TLK2: variants seen among roughly 807,000 people sequenced by gnomAD.
TLK2 encodes the protein tousled like kinase 2.
A neutral mutation model predicts 117.3 loss-of-function variants in TLK2; 6 were observed. The ratio of observed to expected loss-of-function variants is 0.05; its 90% CI spans 0.03 to 0.10. TLK2 has a LOEUF of 0.10. Ranked by LOEUF, TLK2 falls within the 10% of genes least tolerant of loss-of-function variation. The pLI is 1.00. For synonymous variants in TLK2, 257 were observed against 316.7 expected (o/e 0.81, Z 2.00); for missense variants, 299 against 901.2 (o/e 0.33, Z 8.56).
rs1271005493 is a variant in TLK2, at chr17:62,498,393, T to TCC, written c.81+17187_81+17188insCC. Among the ~76,000 whole-genome samples the TCC allele has an allele frequency of 9.5e-4, 137 of 144,028 alleles. 1 individual carries two copies. Among genetic ancestry groups the TCC allele is most frequent in the Non-Finnish European group, 1.3e-3 (82 of 65,252 alleles). 94.5% of individuals were successfully genotyped at this position (144,028 alleles called of 152,430 possible). A position where few individuals can be genotyped will look rare whatever the true frequency, so the allele number is the denominator to read the frequency against. On this transcript the variant is annotated intron_variant, in intron 2 of 21. Coordinates refer to ENST00000346027, the MANE Select transcript of TLK2 (RefSeq NM_006852.6). ...GATAGTGTCGTAGAAAGCCCCCCTT[T>TCC]TTTTTTTTTTTTTTGAGACAAAGTC...
chr17:62,560,272 A>G (rs2079160283), intron 10 of TLK2, 146 bp downstream of exon 10: 5 of 549,556 alleles, frequency 9.1e-6, no homozygotes, highest in Non-Finnish European at 1.5e-5. Flanking sequence ...TTTTTTCCTT[A>G]CATGGACACC....
chr17:62,574,954 C>G (rs2080657300), intron 12 of TLK2, among the ~76,000 whole-genome samples: 1 of 152,152 alleles, frequency 6.6e-6, no homozygotes, highest in South Asian at 2.1e-4. Flanking sequence ...AGTAGGGGCT[C>G]AAATTTGAAA....
At chr17:62,513,045 A>C (rs1197773622) in intron 2 of TLK2, among the ~76,000 whole-genome samples, 5 of 150,842 alleles carry the variant, frequency 3.3e-5, no homozygotes, top group Non-Finnish European at 7.4e-5. Flanking sequence ...TGCCCAGCTA[A>C]CTTTTTGTAT....
In TLK2 at chr17:62,513,579, T is replaced by G. The variant is rs1431702223; in HGVS notation, c.82-7194T>G. 2.6e-5 allele frequency among the ~76,000 whole-genome samples: 4 copies of G among 152,116 alleles called. No homozygotes were observed. In the East Asian group the frequency reaches 7.7e-4, roughly 29 times the overall value. On this transcript the variant is annotated intron_variant, in intron 2 of 21. Transcript: ENST00000346027. ...GGCTCAAGTGATCCTCAAGCTATCC[T>G]CCCACCTCATGCTCTCAAAGTGTTG...
At position 62,613,797 on chromosome 17, in the gene TLK2, C is replaced by A. The variant is rs1013834971; in HGVS notation, c.*1232C>A. On this transcript the variant is annotated 3_prime_UTR_variant, in exon 22 of 22. Transcript: ENST00000346027. ...TTTGTCTAGCTCACTTTAAAAGATT[C>A]ATCAAATGGAATTTTAAAAATAATC... The A allele has an allele frequency of 1.3e-5, 2 of 152,122 alleles. No individual in the cohort carries two copies. The highest frequency in any genetic ancestry group is 6.5e-5 in the Admixed American group (1 of 15,274). The allele number at this position is 152,122 out of a possible 1,614,324, so 9.4% of individuals were successfully genotyped here.
intron 1 of TLK2, among the ~76,000 whole-genome samples, chr17:62,471,965 G>C (rs2070950820): frequency 1.5e-5 from 2 of 137,702 alleles, no homozygotes; most frequent in Non-Finnish European, 3.1e-5. Flanking sequence ...GAGTGCAGTG[G>C]TGTGATTTCG....
chr17:62,502,921 A>G (rs568217532), intron 2 of TLK2, among the ~76,000 whole-genome samples: 20 of 152,324 alleles, frequency 1.3e-4, no homozygotes, highest in African/African-American at 4.8e-4. Flanking sequence ...ATAAACATCT[A>G]TGTAGTAGAT....
At chr17:62,483,539 C>T (rs887046104) in intron 2 of TLK2, among the ~76,000 whole-genome samples, 3 of 152,236 alleles carry the variant, frequency 2.0e-5, no homozygotes, top group African/African-American at 4.8e-5. Context: ...GTCTCACTCT[C>T]TAGCCTAGGC....
At chr17:62,501,866 CTG>C (rs2074227141) in intron 2 of TLK2, among the ~76,000 whole-genome samples, 1 of 151,994 alleles carries the variant, frequency 6.6e-6, no homozygotes, top group African/African-American at 2.4e-5. Flanking sequence ...ACTTGAGAGA[CTG>C]AGGTGGGAGG....
At chr17:62,593,490 C>G (rs1264436390) in intron 16 of TLK2, among the ~76,000 whole-genome samples, 2 of 151,910 alleles carry the variant, frequency 1.3e-5, no homozygotes, top group African/African-American at 4.8e-5. Flanking sequence ...ATTTTCTTTC[C>G]TTGTATCCTT....
At chr17:62,601,484 T>A (rs1243085363) in intron 18 of TLK2, among the ~76,000 whole-genome samples, 1 of 152,254 alleles carries the variant, frequency 6.6e-6, no homozygotes, top group Non-Finnish European at 1.5e-5. Flanking sequence ...TCTCATTGAC[T>A]ATTCTCTAAT....
intron 6 of TLK2, among the ~76,000 whole-genome samples, chr17:62,524,807 A>T (rs1370795756): frequency 1.3e-5 from 2 of 152,210 alleles, no homozygotes; most frequent in Non-Finnish European, 2.9e-5. Context: ...ATTATACCTA[A>T]GTTAATGGTT....
At chr17:62,559,357 A>G (rs1398846328) in intron 9 of TLK2, among the ~76,000 whole-genome samples, 1 of 151,592 alleles carries the variant, frequency 6.6e-6, no homozygotes, top group Non-Finnish European at 1.5e-5. Flanking sequence ...TTAAACATTC[A>G]TTGTAGTTTA....
rs12103891 is a variant in TLK2 at position 62,543,876 on chromosome 17, T to C, written c.531+7539T>C. On this transcript the variant is annotated intron_variant, in intron 7 of 21. Coordinates refer to ENST00000346027, the MANE Select transcript of TLK2 (RefSeq NM_006852.6). ...GTTTTTTTTCTTTTGTTGCTTATGC[T>C]TTTAGTGTTGTAGCCAAGGCTTCAC... Among the ~76,000 whole-genome samples, 1,044 of 152,322 alleles carry C rather than the reference T, an allele frequency of 6.9e-3. 7 individuals carry two copies. Among genetic ancestry groups the C allele is most frequent in the African/African-American group, 0.023 (972 of 41,580 alleles).
In TLK2 at chr17:62,487,620, CTTTTTT is replaced by C. The variant is rs71155932; in HGVS notation, c.81+6429_81+6434del. ...CTTTACTTAAATCCTTGGCAAGTAT[CTTTTTT>C]TTTTTTTTTTTTTTGAGACGGAGTT... On this transcript the variant is annotated intron_variant, in intron 2 of 21. Transcript: ENST00000346027. Among the ~76,000 whole-genome samples, 210 of 104,320 alleles carry C rather than the reference CTTTTTT, an allele frequency of 2.0e-3. 1 individual carries two copies. Among genetic ancestry groups the C allele is most frequent in the Non-Finnish European group, 2.8e-3 (161 of 57,458 alleles). The allele number at this position is 104,320 out of a possible 152,430, so 68.4% of individuals were successfully genotyped here. A position where few individuals can be genotyped will look rare whatever the true frequency, so the allele number is the denominator to read the frequency against.
At chr17:62,482,498 G>A (rs1419283173) in intron 2 of TLK2, among the ~76,000 whole-genome samples, 2 of 149,036 alleles carry the variant, frequency 1.3e-5, no homozygotes, top group African/African-American at 2.5e-5. Context: ...CACCCAGGCT[G>A]GAGTGCAGTG....
intron 2 of TLK2, among the ~76,000 whole-genome samples, chr17:62,511,988 AC>A (rs1223512547): frequency 1.3e-5 from 2 of 152,186 alleles, no homozygotes; most frequent in African/African-American, 4.8e-5. Flanking sequence ...TTTAAAAGAA[AC>A]CGTCAAAAAA....
intron 11 of TLK2, among the ~76,000 whole-genome samples, chr17:62,567,378 C>G (rs1049531552): frequency 6.6e-6 from 1 of 152,108 alleles, no homozygotes; most frequent in African/African-American, 2.4e-5. Flanking sequence ...TGCTATAGAG[C>G]CACCAGATCA....
upstream of TLK2, among the ~76,000 whole-genome samples, chr17:62,473,845 C>G (rs1030820569): frequency 6.6e-6 from 1 of 152,066 alleles, no homozygotes; most frequent in Non-Finnish European, 1.5e-5. Flanking sequence ...AAGCCTGATT[C>G]TGCCAAATGA....
Sources: allele counts gnomAD v4.1 joint callset (sites outside exome capture counted in the v4.1 genomes callset), GRCh38; gene constraint gnomAD v4.1.1; transcripts MANE v1.5; gene names NCBI Gene and HGNC (gene_info 2026-07-23, HGNC 2026-07-21).